FAM83B: variants seen among roughly 807,000 people sequenced by gnomAD.
FAM83B encodes the protein protein FAM83B.
A neutral mutation model predicts 38.8 loss-of-function variants in FAM83B; 26 were observed. The ratio of observed to expected loss-of-function variants is 0.67; its 90% CI spans 0.49 to 0.93. The LOEUF (loss-of-function observed/expected upper bound fraction) is 0.93. FAM83B is among the 40% of genes least tolerant of loss of function. The pLI, the probability that FAM83B is intolerant of heterozygous loss-of-function variation, is 0.00. For synonymous variants in FAM83B, 419 were observed against 423.1 expected (o/e 0.99, Z 0.12); for missense variants, 1,237 against 1,197.3 (o/e 1.03, Z -0.49).
chr6:54,926,303 AG>A, intron 2 of FAM83B, 67 bp from the exon 3 acceptor site: 1 of 1,057,354 alleles, frequency 9.5e-7, no homozygotes, highest in South Asian at 2.0e-5. Context: ...CTTTACTGAA[AG>A]TAAGCAATTT....
At chr6:54,891,163 A>G (rs1174489018) in intron 2 of FAM83B, among the ~76,000 whole-genome samples, 1 of 152,064 alleles carries the variant, frequency 6.6e-6, no homozygotes, top group Non-Finnish European at 1.5e-5. Context: ...AGTAGTTTCC[A>G]TAAAGGGCTC....
chr6:54,849,593 G>T (rs891806751), intron 1 of FAM83B, among the ~76,000 whole-genome samples: 8 of 151,894 alleles, frequency 5.3e-5, no homozygotes, highest in African/African-American at 1.9e-4. Context: ...GTGGAGAGAT[G>T]ATCCAAATAT....
At chr6:54,879,472 G>A (rs1052552693) in intron 2 of FAM83B, among the ~76,000 whole-genome samples, 2 of 152,174 alleles carry the variant, frequency 1.3e-5, no homozygotes, top group Non-Finnish European at 2.9e-5. Context: ...TCAGGTGAGT[G>A]GAAGAAGGAG....
At chr6:54,924,188 TACACACACAC>T (rs59997305) in intron 2 of FAM83B, among the ~76,000 whole-genome samples, 1 of 147,808 alleles carries the variant, frequency 6.8e-6, no homozygotes, top group Non-Finnish European at 1.5e-5. Flanking sequence ...TATTCATTTA[TACACACACAC>T]ACACACACAC....
intron 2 of FAM83B, 94 bp downstream of exon 2, chr6:54,870,784 C>G: frequency 4.9e-6 from 6 of 1,213,652 alleles, no homozygotes; most frequent in Non-Finnish European, 6.7e-6. Context: ...AAAAGAATCT[C>G]TATATGTATA....
At chr6:54,915,983 G>A (rs1421047332) in intron 2 of FAM83B, among the ~76,000 whole-genome samples, 1 of 152,008 alleles carries the variant, frequency 6.6e-6, no homozygotes, top group Non-Finnish European at 1.5e-5. Flanking sequence ...AGCATTCAAC[G>A]ACTTCCCTCC....
chr6:54,871,745 C>CAAAA (rs34323872), intron 2 of FAM83B, among the ~76,000 whole-genome samples: 3 of 29,028 alleles, frequency 1.0e-4, no homozygotes, highest in African/African-American at 2.9e-4. Flanking sequence ...CCTGTCTCAC[C>CAAAA]AAAAAAAAAA....
In FAM83B at chr6:54,943,604, A is replaced by G. The variant is rs1581939287; in HGVS notation, c.*1597A>G. The stretch of plus-strand genomic sequence containing the variant: ...ATCTATATCATTAAAATAATTTTCC[A>G]TAGTGTTTAGAAACCATGAAAAAGA... On this transcript the variant is annotated 3_prime_UTR_variant, in exon 5 of 5. Transcript: ENST00000306858. 2 of 152,168 alleles carry G rather than the reference A, an allele frequency of 1.3e-5. No individual in the cohort carries two copies. The highest frequency in any genetic ancestry group is 3.8e-4 in the East Asian group (2 of 5,198). 9.4% of individuals were successfully genotyped at this position (152,168 alleles called of 1,614,324 possible).
intron 3 of FAM83B, among the ~76,000 whole-genome samples, chr6:54,926,784 G>A (rs554815593): frequency 6.6e-6 from 1 of 152,254 alleles, no homozygotes; most frequent in African/African-American, 2.4e-5. Context: ...CCAGAGTGGA[G>A]TGCACTGGTG....
chr6:54,912,310 T>TA (rs1361158541), intron 2 of FAM83B, among the ~76,000 whole-genome samples: 1 of 151,482 alleles, frequency 6.6e-6, no homozygotes, highest in African/African-American at 2.4e-5. Context: ...TTTTTAGATG[T>TA]AAAATACGTA....
chr6:54,889,575 C>T (rs1391853120), intron 2 of FAM83B, among the ~76,000 whole-genome samples: 1 of 152,052 alleles, frequency 6.6e-6, no homozygotes, highest in East Asian at 1.9e-4. Context: ...TTCCTGAATA[C>T]TTTAAATCAT....
chr6:54,896,688 C>G (rs1772544937), intron 2 of FAM83B, among the ~76,000 whole-genome samples: 1 of 152,170 alleles, frequency 6.6e-6, no homozygotes, highest in Admixed American at 6.5e-5. Context: ...GTCAATGTCT[C>G]AGAGTATTTT....
chr6:54,876,428 G>C (rs552235349), intron 2 of FAM83B, among the ~76,000 whole-genome samples: 1 of 149,488 alleles, frequency 6.7e-6, no homozygotes, highest in African/African-American at 2.5e-5. Flanking sequence ...AGGTTCAAGC[G>C]ATTCTCCTGC....
intron 2 of FAM83B, among the ~76,000 whole-genome samples, chr6:54,895,584 A>G (rs980899805): frequency 7.2e-5 from 11 of 152,190 alleles, no homozygotes; most frequent in African/African-American, 2.2e-4. Context: ...ATCAAGCATC[A>G]TATATTCTGG....
chr6:54,917,202 A>C (rs1216397291), intron 2 of FAM83B, among the ~76,000 whole-genome samples: 1 of 152,204 alleles, frequency 6.6e-6, no homozygotes, highest in Non-Finnish European at 1.5e-5. Context: ...CATCCCAACA[A>C]AAATTTATTG....
chr6:54,937,438 A>G (rs1217878597), intron 4 of FAM83B, among the ~76,000 whole-genome samples: 4 of 152,076 alleles, frequency 2.6e-5, no homozygotes, highest in Non-Finnish European at 4.4e-5. Flanking sequence ...TGAAGCCTGC[A>G]TTTACTAATA....
At chr6:54,914,307 A>G (rs1218390381) in intron 2 of FAM83B, among the ~76,000 whole-genome samples, 1 of 152,218 alleles carries the variant, frequency 6.6e-6, no homozygotes, top group Non-Finnish European at 1.5e-5. Context: ...TTTATGTTAC[A>G]TATTAGAAAT....
At chr6:54,886,362 C>T (rs1019241404) in intron 2 of FAM83B, among the ~76,000 whole-genome samples, 18 of 151,968 alleles carry the variant, frequency 1.2e-4, no homozygotes, top group Non-Finnish European at 2.5e-4. Context: ...AGATTTCAAC[C>T]TTGAATATTA....
intron 1 of FAM83B, among the ~76,000 whole-genome samples, chr6:54,851,738 C>T (rs535595520): frequency 0.011 from 1,554 of 143,674 alleles, 27 homozygotes; most frequent in African/African-American, 0.037. Context: ...AGCTCCGCCT[C>T]CCGGGTTCAT....
Sources: gnomAD v4.1 joint callset for allele counts (sites outside exome capture counted in the v4.1 genomes callset) on GRCh38, gnomAD v4.1.1 for gene constraint, MANE v1.5 for transcripts, NCBI Gene and HGNC (gene_info 2026-07-23, HGNC 2026-07-21) for gene names.